Variants in SRPX observed in about 807,000 individuals in gnomAD.
The protein encoded by SRPX is sushi repeat-containing protein SRPX.
SRPX carries 24 observed loss-of-function variants against 38.1 expected under a neutral mutation model. The observed-to-expected ratio is 0.63, with a 90% CI of 0.46 to 0.89. SRPX has a LOEUF of 0.89. Among genes scored for constraint, SRPX ranks in the 40% least tolerant of loss-of-function variants. The pLI, the probability that SRPX is intolerant of heterozygous loss-of-function variation, is 0.00. For synonymous variants in SRPX, 184 were observed against 153.8 expected, an observed-to-expected ratio of 1.20 and a Z score of -1.45; for missense variants, 416 against 377.8, an observed-to-expected ratio of 1.10 and a Z score of -0.84.
chrX:38,214,861 G>A (rs1459334547), intron 1 of SRPX, among the ~76,000 whole-genome samples: 1 of 111,801 alleles, frequency 8.9e-6, no homozygotes, highest in Non-Finnish European at 1.9e-5. Flanking sequence ...TTGGATCACT[G>A]GGATTGGCAG....
intron 7 of SRPX, among the ~76,000 whole-genome samples, chrX:38,157,369 G>A (rs903847751): frequency 9.0e-6 from 1 of 111,335 alleles, no homozygotes; most frequent in African/African-American, 3.3e-5. Context: ...GGAGGTTCTA[G>A]GGGAGAATCT....
intron 5 of SRPX, among the ~76,000 whole-genome samples, chrX:38,161,953 T>C (rs1938272116): frequency 8.9e-6 from 1 of 112,129 alleles, no homozygotes; most frequent in Non-Finnish European, 1.9e-5. Context: ...GGAATTATCA[T>C]TGTCACCATT....
intron 1 of SRPX, among the ~76,000 whole-genome samples, chrX:38,202,589 GA>G (rs1295968112): frequency 9.0e-6 from 1 of 111,608 alleles, no homozygotes; most frequent in Non-Finnish European, 1.9e-5. Flanking sequence ...GCTGTTTTTT[GA>G]AAATATTCAT....
At chrX:38,215,924 C>G (rs1490540243) in intron 1 of SRPX, among the ~76,000 whole-genome samples, 1 of 112,176 alleles carries the variant, frequency 8.9e-6, no homozygotes, top group Non-Finnish European at 1.9e-5. Context: ...CAAAGTTTAC[C>G]TACTGTGGTA....
chrX:38,181,770 C>T (rs1202781383), intron 1 of SRPX, among the ~76,000 whole-genome samples: 1 of 111,705 alleles, frequency 9.0e-6, no homozygotes, highest in Non-Finnish European at 1.9e-5. Flanking sequence ...TTAAACCTAA[C>T]AGATATTTAA....
rs191897373 is a variant in SRPX at position 38,164,822 on chromosome X, C to G, written c.600G>C (p.Arg200=). ...TTCCTTCGGGTGTCTCCCAGGACAC[C>G]CGGACTGTCAGTTTGTTGGGTTCTG... ...RIAEPNKLTV[R]VSWETPEGRD... Residue 200 remains arginine (R), a synonymous_variant, in exon 5 of 10, where the codon CGG becomes CGC. Transcript: ENST00000378533. The G allele has an allele frequency of 2.2e-5, 26 of 1,208,706 alleles. No individual in the cohort carries two copies. The Middle Eastern group carries it at 1.2e-3, about 53-fold the overall frequency.
chrX:38,158,978 TCAAACAAA>T (rs758461830), intron 7 of SRPX, among the ~76,000 whole-genome samples: 99 of 110,702 alleles, frequency 8.9e-4, no homozygotes, highest in Middle Eastern at 4.7e-3. Flanking sequence ...AGACTACATC[TCAAACAAA>T]CAAACAAACA....
rs139142720 is a variant in SRPX at position 38,160,024 on chromosome X, G to A, written c.948C>T (p.Thr316=). 2 of 1,210,306 alleles carry A rather than the reference G, an allele frequency of 1.7e-6. No individual in the cohort carries two copies. Among genetic ancestry groups the A allele is most frequent in the Admixed American group, 2.2e-5 (1 of 45,982 alleles). Residue 316 remains threonine (T), a synonymous_variant, in exon 7 of 10, where the codon ACC becomes ACT. Coordinates refer to ENST00000378533, the MANE Select transcript of SRPX (RefSeq NM_006307.5). The part of the protein sequence containing the change: ...SNLAWSGTEP[T]CAAMNVNVGV... ...GAGGGGCGGCATACCTACCTGCACA[G>A]GTGGGCTCCGTGCCAGACCAAGCCA...
At chrX:38,167,068 A>G (rs1485938265) in intron 4 of SRPX, among the ~76,000 whole-genome samples, 2 of 111,650 alleles carry the variant, frequency 1.8e-5, no homozygotes, top group Non-Finnish European at 3.8e-5. Flanking sequence ...TCCTTCCTAC[A>G]TGCCCACCCC....
At chrX:38,198,816 A>G (rs973859586) in intron 1 of SRPX, among the ~76,000 whole-genome samples, 2 of 111,545 alleles carry the variant, frequency 1.8e-5, no homozygotes, top group African/African-American at 6.5e-5. Flanking sequence ...AGCAACAATC[A>G]GGGATAATAC....
chrX:38,211,849 G>T (rs752052109), intron 1 of SRPX, among the ~76,000 whole-genome samples: 1 of 111,565 alleles, frequency 9.0e-6, no homozygotes, highest in South Asian at 3.8e-4. Flanking sequence ...GAGCTTGAGG[G>T]GCTTAATGTG....
At chrX:38,160,268 A>G (rs1938219942) in intron 6 of SRPX, 72 bp from the exon 7 acceptor site, 1 of 1,039,814 alleles carries the variant, frequency 9.6e-7, no homozygotes, top group African/African-American at 1.9e-5. Flanking sequence ...AAAGGTGAGG[A>G]TGCAGAGGCA....
Position 38,149,888 on chromosome X carries a change from C to A in SRPX, c.1218G>T (p.Leu406Phe). The A allele has an allele frequency of 8.3e-7, 1 of 1,203,021 alleles. No individual in the cohort carries two copies. Among genetic ancestry groups the A allele is most frequent in the African/African-American group, 1.7e-5 (1 of 57,575 alleles). The change falls in exon 10 of 10, where the codon TTG (leucine) becomes TTT (phenylalanine). Residue 406 changes from leucine to phenylalanine, a missense_variant. By Grantham distance (22) the Leu-to-Phe change is conservative (BLOSUM62 0). Transcript: ENST00000378533. ...TGAAGGAGTAGAGTGGGATTCGCAG[C>A]AACAGCCTGTGGCAGACAAAGAAAA... ...PPALALQLRLLLRIPLYSFSM... is the reference protein window; with the variant it reads ...PPALALQLRLFLRIPLYSFSM...
intron 7 of SRPX, 125 bp downstream of exon 7, chrX:38,159,892 C>T (rs1352104278): frequency 9.3e-6 from 7 of 754,675 alleles, no homozygotes; most frequent in South Asian, 2.9e-5. Flanking sequence ...TATGTTCATC[C>T]ACTCAGATAA....
intron 1 of SRPX, among the ~76,000 whole-genome samples, chrX:38,205,414 G>C (rs1939190451): frequency 9.0e-6 from 1 of 111,511 alleles, no homozygotes; most frequent in African/African-American, 3.3e-5. Context: ...TTGTTATTGA[G>C]TTTAGAGAGT....
intron 2 of SRPX, among the ~76,000 whole-genome samples, chrX:38,177,277 G>GTATTTGCATTCA (rs1938583008): frequency 9.0e-6 from 1 of 111,478 alleles, no homozygotes; most frequent in Admixed American, 9.6e-5. Flanking sequence ...ACTATAGGTA[G>GTATTTGCATTCA]GAATGAGTAT....
intron 5 of SRPX, among the ~76,000 whole-genome samples, chrX:38,162,355 G>C (rs775854437): frequency 9.0e-6 from 1 of 111,701 alleles, no homozygotes; most frequent in Non-Finnish European, 1.9e-5. Context: ...GCCCTAGTGA[G>C]AGCGAAAAGG....
Position 38,149,753 on chromosome X carries a change from C to G in SRPX, c.1353G>C (p.Glu451Asp). 1 of 1,211,124 alleles carries G rather than the reference C, an allele frequency of 8.3e-7. No individual in the cohort carries two copies. The highest frequency in any genetic ancestry group is 1.1e-6 in the Non-Finnish European group (1 of 895,311). Reference sequence around the variant, plus strand: ...GGCTCATTTCGGCTTGTAGGACCATCTCTTCTTTTCTCAAGGGAAAAGTGT... The same window carrying G: ...GGCTCATTTCGGCTTGTAGGACCATGTCTTCTTTTCTCAAGGGAAAAGTGT... ...LIDTFPLRKE[E>D]MVLQAEMSQT... The change falls in exon 10 of 10, where the codon GAG (glutamate) becomes GAC (aspartate). Residue 451 changes from glutamate to aspartate, a missense_variant. Transcript: ENST00000378533.
intron 1 of SRPX, among the ~76,000 whole-genome samples, chrX:38,184,232 G>T (rs1288635989): frequency 7.2e-5 from 8 of 111,725 alleles, no homozygotes; most frequent in Admixed American, 1.9e-4. Context: ...AAACTACATA[G>T]TTCTTTATTG....
Sources: gnomAD v4.1 joint callset for allele counts (sites outside exome capture counted in the v4.1 genomes callset) on GRCh38, gnomAD v4.1.1 for gene constraint, MANE v1.5 for transcripts, NCBI Gene and HGNC (gene_info 2026-07-23, HGNC 2026-07-21) for gene names.